Variants in ARAP1 observed in about 807,000 individuals in gnomAD.
ARAP1 encodes the protein ArfGAP with RhoGAP domain, ankyrin repeat and PH domain 1, also known as arf-GAP with Rho-GAP domain, ANK repeat and PH domain-containing protein 1.
ARAP1 carries 76 observed loss-of-function variants against 172.2 expected under a neutral mutation model. The ratio of observed to expected loss-of-function variants is 0.44; its 90% CI spans 0.37 to 0.53. The LOEUF (loss-of-function observed/expected upper bound fraction) is 0.53. ARAP1 is among the 20% of genes least tolerant of loss of function. The probability of loss-of-function intolerance (pLI) is 0.00; values close to 1 mark genes in which losing one functional copy is unlikely to be tolerated. For missense variants in ARAP1, 1,686 were observed against 1,977.5 expected (o/e 0.85, Z 2.80); for synonymous variants, 804 against 803.3 (o/e 1.00, Z -0.01).
At position 72,695,300 on chromosome 11, in the gene ARAP1, T is replaced by C. The variant is rs769369641; in HGVS notation, c.3576+87A>G. 233 of 1,565,626 alleles carry C rather than the reference T, an allele frequency of 1.5e-4. No homozygotes were observed. The highest frequency in any genetic ancestry group is 1.9e-4 in the Non-Finnish European group (213 of 1,139,654). ...TCCCAAACTGGTCCTCTCCTCGGGG[T>C]AGAAGCACTGCTCCCCTGGCCATCT... On this transcript the variant is annotated intron_variant, in intron 26 of 34. Transcript: ENST00000393609. The surrounding 1 kb of genome is among the most constrained non-coding windows in gnomAD (Gnocchi z 4.4).
intron 31 of ARAP1, among the ~76,000 whole-genome samples, chr11:72,688,091 G>A (rs892714868): frequency 1.3e-5 from 2 of 151,910 alleles, no homozygotes; most frequent in Non-Finnish European, 2.9e-5. Context: ...CCCAAACTTC[G>A]GGACTCAAGC....
intron 6 of ARAP1, 21 bp from the exon 7 acceptor site, chr11:72,712,360 G>A (rs769397807): frequency 6.5e-7 from 1 of 1,543,928 alleles, no homozygotes; most frequent in South Asian, 1.2e-5. Context: ...ATGAGGGGAT[G>A]GGGGGCCGGG....
At position 72,725,054 on chromosome 11, in the gene ARAP1, C is replaced by A. The variant is rs1857644101; in HGVS notation, c.509+1566G>T. Among the ~76,000 whole-genome samples the A allele has an allele frequency of 6.6e-6, 1 of 152,158 alleles. No homozygotes were observed. Among genetic ancestry groups the A allele is most frequent in the Non-Finnish European group, 1.5e-5 (1 of 68,026 alleles). On this transcript the variant is annotated intron_variant, in intron 3 of 34. Transcript: ENST00000393609. The surrounding 1 kb of genome is among the most constrained non-coding windows in gnomAD (Gnocchi z 4.3). ...AGTCTATGGAGGACCACAGAGGGCA[C>A]CTGATGGGGAAACAGGCCCAGAGAA...
rs374510893 is a variant in ARAP1 at position 72,699,466 on chromosome 11, G to A, written c.2389C>T (p.Arg797Trp). The A allele has an allele frequency of 8.3e-5, 134 of 1,614,038 alleles. 1 individual carries two copies. Among genetic ancestry groups the A allele is most frequent in the South Asian group, 1.8e-4 (16 of 91,066 alleles). The change falls in exon 17 of 35, where the codon CGG becomes TGG. Residue 797 changes from arginine (R) to tryptophan (W), a missense_variant. By Grantham distance (101) the Arg-to-Trp change is moderately radical. Transcript: ENST00000393609. The surrounding 1 kb of genome is among the most constrained non-coding windows in gnomAD (Gnocchi z 4.2). ...ERAVTPNGEIRASEIVCLAVP... is the reference protein window; with the variant it reads ...ERAVTPNGEIWASEIVCLAVP... ...GCCAGGCACACAATCTCGCTGGCCCGAATCTCTCCATTGGGGGTCACTGCC... is the reference window on the plus strand; with the variant it reads ...GCCAGGCACACAATCTCGCTGGCCCAAATCTCTCCATTGGGGGTCACTGCC...
chr11:72,729,694 G>C (rs1314644447), intron 2 of ARAP1, among the ~76,000 whole-genome samples: 1 of 151,984 alleles, frequency 6.6e-6, no homozygotes, highest in Non-Finnish European at 1.5e-5. Flanking sequence ...AAAGCAAGAG[G>C]ACTGCTTGAG....
rs368275017 is a variant in ARAP1, at chr11:72,693,313, G to A, written c.3954+12C>T. On this transcript the variant is annotated intron_variant, in intron 29 of 34. Coordinates refer to ENST00000393609, the MANE Select transcript of ARAP1 (RefSeq NM_001040118.3). The surrounding 1 kb of genome is among the most constrained non-coding windows in gnomAD (Gnocchi z 4.6). ...TGCCCACCCTGGGGCAGAACCCAGC[G>A]GGGCCACTTACCCGGACCTCCTTGT... 196 of 1,612,836 alleles carry A rather than the reference G, an allele frequency of 1.2e-4. 2 individuals are homozygous for A. The Middle Eastern group carries it at 2.6e-3, about 22-fold the overall frequency.
chr11:72,709,748 G>A, intron 11 of ARAP1, 122 bp downstream of exon 11: 1 of 978,734 alleles, frequency 1.0e-6, no homozygotes, highest in Non-Finnish European at 1.6e-6. Context: ...TCCACAGGTG[G>A]GGCAGGGCGG....
At chr11:72,707,115 C>T (rs1856805151) in intron 12 of ARAP1, 60 bp downstream of exon 12, 1 of 1,465,920 alleles carries the variant, frequency 6.8e-7, no homozygotes. Flanking sequence ...GGATACCTGC[C>T]ATCCCAACTG....
At chr11:72,702,767 A>T in intron 15 of ARAP1, 138 bp downstream of exon 15, 1 of 1,118,684 alleles carries the variant, frequency 8.9e-7, no homozygotes. Flanking sequence ...TGACATGCAA[A>T]CCCAAGCACA....
At position 72,710,531 on chromosome 11, in the gene ARAP1, G is replaced by C. The variant is rs201849689; in HGVS notation, c.1270C>G (p.Arg424Gly). ...AGATAAGCGCTAGAGAGCCGGGCCC[G>C]GGCACGCTGCTCAGCCATGGCCTGC... ...LQQAMAEQRA[R>G]ARLSSAYLLG... The change falls in exon 10 of 35, where the codon CGG becomes GGG. Residue 424 changes from arginine (R) to glycine (G), a missense_variant. Transcript: ENST00000393609. This position sits in a 1 kb window ranked among gnomAD's most constrained non-coding sequence, Gnocchi z 4.3. 15 of 1,613,162 alleles carry C rather than the reference G, an allele frequency of 9.3e-6. No homozygotes were observed. The highest frequency in any genetic ancestry group is 1.3e-5 in the Non-Finnish European group (15 of 1,179,968).
At chr11:72,714,046 A>C in intron 4 of ARAP1, 106 bp downstream of exon 4, 1 of 1,246,680 alleles carries the variant, frequency 8.0e-7, no homozygotes, top group Non-Finnish European at 1.0e-6. Flanking sequence ...GGCTGGTGGC[A>C]GGCTTGCACA....
In ARAP1 at chr11:72,710,080, G is replaced by C. The variant is rs554661168; in HGVS notation, c.1417-104C>G. The C allele has an allele frequency of 3.7e-5, 40 of 1,074,598 alleles. No individual in the cohort carries two copies. The East Asian group carries it at 7.5e-4, about 20-fold the overall frequency. The allele number at this position is 1,074,598 out of a possible 1,614,324, so 66.6% of individuals were successfully genotyped here. A position where few individuals can be genotyped will look rare whatever the true frequency, so the allele number is the denominator to read the frequency against. On this transcript the variant is annotated intron_variant, in intron 10 of 34. Coordinates refer to ENST00000393609, the MANE Select transcript of ARAP1 (RefSeq NM_001040118.3). The surrounding 1 kb of genome is among the most constrained non-coding windows in gnomAD (Gnocchi z 4.3). ...GGTGGTGCAACTCAGGGACTGGGGG[G>C]GGTGCCCAGGAGGGAGACAGCAGGG...
chr11:72,729,221 C>CA (rs769704667), intron 2 of ARAP1, among the ~76,000 whole-genome samples: 1 of 151,660 alleles, frequency 6.6e-6, no homozygotes, highest in Admixed American at 6.6e-5. Flanking sequence ...GGAGTGCTCT[C>CA]AAAAAAAACT....
intron 34 of ARAP1, 176 bp from the exon 35 acceptor site, chr11:72,685,857 G>A: frequency 3.0e-6 from 4 of 1,348,076 alleles, no homozygotes; most frequent in Non-Finnish European, 4.2e-6. Context: ...TCCAGGGCCA[G>A]GCAGAAGGGG....
intron 1 of ARAP1, among the ~76,000 whole-genome samples, chr11:72,737,493 C>T (rs943000041): frequency 6.6e-6 from 1 of 152,198 alleles, no homozygotes; most frequent in Admixed American, 6.5e-5. Flanking sequence ...ACCTGTTTCA[C>T]CGGCCCAGCA....
At chr11:72,739,999 T>G (rs1858153401) in intron 1 of ARAP1, among the ~76,000 whole-genome samples, 1 of 152,140 alleles carries the variant, frequency 6.6e-6, no homozygotes, top group South Asian at 2.1e-4. Flanking sequence ...CAGCTCCCCT[T>G]GGGGACTGTG....
At chr11:72,730,884 T>C (rs938080597) in intron 2 of ARAP1, among the ~76,000 whole-genome samples, 8 of 152,166 alleles carry the variant, frequency 5.3e-5, no homozygotes, top group African/African-American at 1.4e-4. Flanking sequence ...TAAATTATGT[T>C]GTAGTTGTGC....
chr11:72,692,750 C>T lies in ARAP1; in HGVS notation c.3987+3G>A, dbSNP rs1855993510. 1.2e-6 allele frequency: 2 copies of T among 1,613,850 alleles called. No individual in the cohort carries two copies. The highest frequency in any genetic ancestry group is 1.7e-6 in the Non-Finnish European group (2 of 1,180,004). The stretch of plus-strand genomic sequence containing the variant: ...AGCTGGCAGTCAGCCCACAGCTACT[C>T]ACGGTCTCAGGGGCCCCGCTCCACG... On this transcript the variant is annotated splice_donor_region_variant and intron_variant, in intron 30 of 34. Transcript: ENST00000393609.
chr11:72,709,957 C>G lies in ARAP1; in HGVS notation c.1436G>C (p.Gly479Ala). The change falls in exon 11 of 35, where the codon GGC becomes GCC. Residue 479 changes from glycine (G) to alanine (A), a missense_variant. By Grantham distance (60) the Gly-to-Ala change is moderately conservative. Transcript: ENST00000393609. Reference protein sequence around the residue: ...KNLEEYHLGIGITFIDMSVGN... With the variant: ...KNLEEYHLGIAITFIDMSVGN... ...CACGCTCATGTCGATGAAGGTGATG[C>G]CAATGCCCAGGTGGTACTCCTGGAG... 6.2e-7 allele frequency: 1 copy of G among 1,613,910 alleles called. No individual in the cohort carries two copies.
Sources: gnomAD v4.1 joint callset for allele counts (sites outside exome capture counted in the v4.1 genomes callset) on GRCh38, gnomAD v4.1.1 for gene constraint, Gnocchi (gnomAD v3.1) non-coding constraint, MANE v1.5 for transcripts, NCBI Gene and HGNC (gene_info 2026-07-23, HGNC 2026-07-21) for gene names.